Variants in DGKG observed in about 807,000 individuals in gnomAD.
The protein encoded by DGKG is DAG kinase gamma.
A neutral mutation model predicts 105.3 loss-of-function variants in DGKG; 78 were observed. The ratio of observed to expected loss-of-function variants is 0.74; its 90% CI spans 0.62 to 0.89. The LOEUF is 0.89. DGKG is among the 40% of genes least tolerant of loss of function. DGKG has a pLI of 0.00. For synonymous variants in DGKG, 346 were observed against 367.1 expected (o/e 0.94, Z 0.66); for missense variants, 958 against 1,020.1 (o/e 0.94, Z 0.83).
intron 10 of DGKG, among the ~76,000 whole-genome samples, chr3:186,274,974 C>CCTTGAGG (rs1221999941): frequency 2.0e-5 from 3 of 152,134 alleles, no homozygotes; most frequent in African/African-American, 7.2e-5. Flanking sequence ...CTGTCTTCCA[C>CCTTGAGG]AATGGTTGAA....
At chr3:186,292,336 C>A (rs1723347695) in intron 5 of DGKG, among the ~76,000 whole-genome samples, 1 of 152,164 alleles carries the variant, frequency 6.6e-6, no homozygotes, top group African/African-American at 2.4e-5. Context: ...ATTTAACACA[C>A]AAAGTATGTG....
At chr3:186,333,143 T>C (rs1725677735) in intron 1 of DGKG, among the ~76,000 whole-genome samples, 1 of 152,202 alleles carries the variant, frequency 6.6e-6, no homozygotes, top group Non-Finnish European at 1.5e-5. Context: ...TATGAGAGCA[T>C]CACTAGTAAA....
chr3:186,268,719 G>T (rs1722174302), intron 12 of DGKG, 82 bp downstream of exon 12: 1 of 1,002,576 alleles, frequency 1.0e-6, no homozygotes, highest in Non-Finnish European at 1.5e-6. Context: ...ATGCCCTCTG[G>T]CCGGATATTC....
At chr3:186,324,693 T>C (rs149790088) in intron 1 of DGKG, among the ~76,000 whole-genome samples, 5 of 152,244 alleles carry the variant, frequency 3.3e-5, no homozygotes, top group African/African-American at 1.2e-4. Flanking sequence ...CAAAAACAGA[T>C]ACTGGTGAGG....
intron 22 of DGKG, among the ~76,000 whole-genome samples, chr3:186,176,827 C>T (rs913265477): frequency 2.1e-4 from 32 of 152,144 alleles, no homozygotes; most frequent in African/African-American, 6.8e-4. Context: ...AAGAGATGGG[C>T]GCTGGCCTCA....
intron 22 of DGKG, among the ~76,000 whole-genome samples, chr3:186,176,786 CA>C (rs1717101761): frequency 6.6e-6 from 1 of 152,202 alleles, no homozygotes; most frequent in Non-Finnish European, 1.5e-5. Flanking sequence ...AAGTGATTAA[CA>C]CATGCTGGAT....
intron 21 of DGKG, among the ~76,000 whole-genome samples, chr3:186,199,400 C>T (rs1718339061): frequency 6.6e-6 from 1 of 152,118 alleles, no homozygotes; most frequent in Non-Finnish European, 1.5e-5. Context: ...TGATATTAAT[C>T]CACACGTATG....
intron 1 of DGKG, among the ~76,000 whole-genome samples, chr3:186,343,654 T>C (rs1578860399): frequency 6.6e-6 from 1 of 152,226 alleles, no homozygotes; most frequent in Non-Finnish European, 1.5e-5. Context: ...GTGAGCATGA[T>C]ACTAGTCTTA....
At chr3:186,170,294 T>C (rs1274163420) in intron 22 of DGKG, among the ~76,000 whole-genome samples, 1 of 152,196 alleles carries the variant, frequency 6.6e-6, no homozygotes. Context: ...CTGGGCTAAG[T>C]TATTGGGTGG....
intron 2 of DGKG, among the ~76,000 whole-genome samples, chr3:186,318,072 T>C (rs558054010): frequency 6.6e-6 from 1 of 152,320 alleles, no homozygotes; most frequent in South Asian, 2.1e-4. Flanking sequence ...ACTCACCACC[T>C]TAGCTCTTTG....
chr3:186,315,407 T>C (rs556471878), intron 2 of DGKG, among the ~76,000 whole-genome samples: 45 of 152,262 alleles, frequency 3.0e-4, no homozygotes, highest in African/African-American at 1.0e-3. Context: ...CTCCAACAAA[T>C]ATGCACAGTA....
chr3:186,232,094 G>A (rs1474206543), intron 20 of DGKG, among the ~76,000 whole-genome samples: 1 of 152,198 alleles, frequency 6.6e-6, no homozygotes, highest in Non-Finnish European at 1.5e-5. Context: ...TACCCTGCAC[G>A]ATAGTAGAGC....
chr3:186,242,383 GGC>G, intron 20 of DGKG, 119 bp downstream of exon 20: 1 of 729,468 alleles, frequency 1.4e-6, no homozygotes, highest in Non-Finnish European at 2.2e-6. Context: ...TCCGGCAAGT[GGC>G]AGGAAGGCCA....
intron 20 of DGKG, among the ~76,000 whole-genome samples, chr3:186,237,523 C>T (rs1286611742): frequency 2.0e-5 from 3 of 152,172 alleles, no homozygotes; most frequent in African/African-American, 4.8e-5. Context: ...AGAGACAATC[C>T]ATAAAGGCAG....
chr3:186,185,576 T>C (rs1337034859), intron 22 of DGKG, among the ~76,000 whole-genome samples: 2 of 152,094 alleles, frequency 1.3e-5, no homozygotes, highest in Non-Finnish European at 2.9e-5. Flanking sequence ...GTGGTGGGGA[T>C]TCAGCTCTGC....
In DGKG at chr3:186,252,008, G is replaced by C. The variant is rs987559028; in HGVS notation, c.1601-89C>G. On this transcript the variant is annotated intron_variant, in intron 18 of 24. Coordinates refer to ENST00000265022, the MANE Select transcript of DGKG (RefSeq NM_001346.3). ...GTAGTTGTCAGGGCAGGTAAGCCCA[G>C]GGCATCTGTGACTATGGGACTCCCC... The C allele has an allele frequency of 1.1e-5, 14 of 1,324,594 alleles. No homozygotes were observed. In the South Asian group the frequency reaches 1.2e-4, roughly 11 times the overall value. 82.1% of individuals were successfully genotyped at this position (1,324,594 alleles called of 1,614,324 possible). A position where few individuals can be genotyped will look rare whatever the true frequency, so the allele number is the denominator to read the frequency against.
At chr3:186,334,803 A>G (rs746612687) in intron 1 of DGKG, among the ~76,000 whole-genome samples, 2 of 152,156 alleles carry the variant, frequency 1.3e-5, no homozygotes, top group African/African-American at 2.4e-5. Flanking sequence ...CAGGATTCCA[A>G]TCCTGGATTG....
chr3:186,249,832 A>AAAAACAAAAC (rs10693756), intron 19 of DGKG, among the ~76,000 whole-genome samples: 6,340 of 151,862 alleles, frequency 0.042, 180 homozygotes, highest in African/African-American at 0.056. Context: ...GACTCGTCTC[A>AAAAACAAAAC]AAAACAAAAC....
intron 2 of DGKG, among the ~76,000 whole-genome samples, chr3:186,310,264 T>TTAAAAAAAA (rs1724461587): frequency 1.3e-4 from 1 of 7,498 alleles, no homozygotes; most frequent in African/African-American, 5.9e-4. Context: ...AGACTCCGTC[T>TTAAAAAAAA]CAAAAAAAAA....
Sources: allele counts gnomAD v4.1 joint callset (sites outside exome capture counted in the v4.1 genomes callset), GRCh38; gene constraint gnomAD v4.1.1; transcripts MANE v1.5; gene names NCBI Gene and HGNC (gene_info 2026-07-23, HGNC 2026-07-21).